MRTFA: variants seen among roughly 807,000 people sequenced by gnomAD.
The protein encoded by MRTFA is myocardin related transcription factor A.
In MRTFA, 20 loss-of-function variants were observed where a neutral mutation model predicts 83.5. The observed-to-expected ratio is 0.24, with a 90% CI of 0.17 to 0.35. MRTFA has a LOEUF of 0.35. Ranked by LOEUF, MRTFA falls within the 10% of genes least tolerant of loss-of-function variation. MRTFA has a pLI of 1.00. For synonymous variants in MRTFA, 659 were observed against 541.2 expected, an observed-to-expected ratio of 1.22 and a Z score of -3.02; for missense variants, 1,200 against 1,224.7, an observed-to-expected ratio of 0.98 and a Z score of 0.30.
intron 3 of MRTFA, among the ~76,000 whole-genome samples, chr22:40,467,974 A>G (rs764749970): frequency 1.1e-4 from 16 of 152,164 alleles, no homozygotes; most frequent in African/African-American, 1.7e-4. Context: ...GAATGGAATA[A>G]AAAGAAAAGA....
chr22:40,590,457 A>G (rs2056103685), intron 2 of MRTFA, among the ~76,000 whole-genome samples: 1 of 151,972 alleles, frequency 6.6e-6, no homozygotes, highest in Admixed American at 6.6e-5. Context: ...TCACGAGGTT[A>G]GGAGTTTGAG....
At position 40,571,921 on chromosome 22, in the gene MRTFA, CAAAAAAAAAA is replaced by C. The variant is rs557782525; in HGVS notation, c.-21-19564_-21-19555del. Among the ~76,000 whole-genome samples the C allele has an allele frequency of 9.6e-4, 18 of 18,734 alleles. 1 individual carries two copies. Among genetic ancestry groups the C allele is most frequent in the African/African-American group, 3.2e-3 (14 of 4,322 alleles). 12.3% of individuals were successfully genotyped at this position (18,734 alleles called of 152,430 possible). A position where few individuals can be genotyped will look rare whatever the true frequency, so the allele number is the denominator to read the frequency against. On this transcript the variant is annotated intron_variant, in intron 2 of 14. Transcript: ENST00000355630. ...CCAGGGCGACAGAGCAAGACTCTGT[CAAAAAAAAAA>C]AAAAAAAAAAAAAAAGAAGAGGGAC... is the stretch of plus-strand genomic sequence containing the variant.
At chr22:40,431,504 ACTC>A in intron 5 of MRTFA, 24 bp from the exon 6 acceptor site, 1 of 1,610,396 alleles carries the variant, frequency 6.2e-7, no homozygotes, top group Non-Finnish European at 8.5e-7. Context: ...ACACCAAGAA[ACTC>A]TCAAATCCAG....
rs1248646550 is a variant in MRTFA, at chr22:40,489,316, AT to A, written c.242-26031del. Among the ~76,000 whole-genome samples the A allele has an allele frequency of 3.9e-5, 6 of 152,118 alleles. No individual in the cohort carries two copies. In the South Asian group the frequency reaches 1.2e-3, roughly 32 times the overall value. On this transcript the variant is annotated intron_variant, in intron 3 of 14. Coordinates refer to ENST00000355630, the MANE Select transcript of MRTFA (RefSeq NM_020831.6). ...TTACAAAATGACAGCAATTAAAAAAATAATGTGTATCTGTAGAAGACATAAT... is the reference window on the plus strand; with the variant it reads ...TTACAAAATGACAGCAATTAAAAAAAAATGTGTATCTGTAGAAGACATAAT...
At chr22:40,447,034 T>C (rs1158257746) in intron 4 of MRTFA, among the ~76,000 whole-genome samples, 3 of 152,076 alleles carry the variant, frequency 2.0e-5, no homozygotes, top group Admixed American at 6.6e-5. Flanking sequence ...TCATTTTATA[T>C]GGAGTGGTCA....
intron 2 of MRTFA, among the ~76,000 whole-genome samples, chr22:40,578,142 C>T (rs749628028): frequency 4.0e-5 from 6 of 151,312 alleles, no homozygotes; most frequent in Non-Finnish European, 5.9e-5. Context: ...TTAGTAGAGA[C>T]GGAGTTTCAC....
chr22:40,602,389 A>G (rs1274083664), intron 1 of MRTFA, among the ~76,000 whole-genome samples: 2 of 152,190 alleles, frequency 1.3e-5, no homozygotes, highest in Admixed American at 6.5e-5. Flanking sequence ...ATTTTTCAAA[A>G]TAAGTTGCCA....
chr22:40,412,044 A>C (rs1166005192), intron 14 of MRTFA, 137 bp from the exon 15 acceptor site: 7 of 647,966 alleles, frequency 1.1e-5, no homozygotes, highest in Non-Finnish European at 1.7e-5. Flanking sequence ...TAAATGTAAG[A>C]GCTAAGACTA....
intron 2 of MRTFA, among the ~76,000 whole-genome samples, chr22:40,577,236 A>T (rs2055880294): frequency 8.2e-6 from 1 of 122,502 alleles, no homozygotes. Flanking sequence ...ACCCTTGTCT[A>T]AAAAAAAAAA....
At chr22:40,506,002 G>A (rs1484187565) in intron 3 of MRTFA, among the ~76,000 whole-genome samples, 1 of 152,210 alleles carries the variant, frequency 6.6e-6, no homozygotes, top group Non-Finnish European at 1.5e-5. Context: ...GGGAGGCCAA[G>A]GCAGGTGGAT....
At chr22:40,473,054 T>G (rs752739916) in intron 3 of MRTFA, among the ~76,000 whole-genome samples, 1 of 152,212 alleles carries the variant, frequency 6.6e-6, no homozygotes, top group Admixed American at 6.5e-5. Flanking sequence ...TATCTCTAGA[T>G]GCACTTCTGT....
At chr22:40,519,550 C>T (rs1344705391) in intron 3 of MRTFA, 3 of 1,350,510 alleles carry the variant, frequency 2.2e-6, no homozygotes, top group Non-Finnish European at 3.0e-6. Flanking sequence ...TGGCTCAAAG[C>T]ACTCCAAAGT....
At position 40,443,994 on chromosome 22, in the gene MRTFA, G is replaced by A. The variant is rs137992629; in HGVS notation, c.308-8440C>T. Among the ~76,000 whole-genome samples the A allele has an allele frequency of 2.7e-3, 410 of 152,264 alleles. 3 individuals carry two copies. Among genetic ancestry groups the A allele is most frequent in the African/African-American group, 9.4e-3 (390 of 41,544 alleles). On this transcript the variant is annotated intron_variant, in intron 4 of 14. Coordinates refer to ENST00000355630, the MANE Select transcript of MRTFA (RefSeq NM_020831.6). Reference sequence around the variant, plus strand: ...CATTGGGAGCTGGAACTCTCGCCCCGAATGAGAAGTCCCTCTCCTACCACC... The same window carrying A: ...CATTGGGAGCTGGAACTCTCGCCCCAAATGAGAAGTCCCTCTCCTACCACC...
chr22:40,587,925 G>A, intron 2 of MRTFA: 1 of 395,378 alleles, frequency 2.5e-6, no homozygotes, highest in South Asian at 3.5e-5. Flanking sequence ...TTGAATACAG[G>A]AGACAAAGTG....
In MRTFA at chr22:40,411,408, G is replaced by A. The variant is rs566222798; in HGVS notation, c.3078C>T (p.His1026=). The change falls in exon 15 of 15, where the codon CAC becomes CAT. Residue 1026 remains histidine (H), a synonymous_variant. Transcript: ENST00000355630. ...CAGAGAGCTACAAGCAGGAATCCCA[G>A]TGCAGCTGCAAATCATGGCCATCGA... 1.9e-6 allele frequency: 3 copies of A among 1,564,956 alleles called. No homozygotes were observed. In the African/African-American group the frequency reaches 4.0e-5, roughly 21 times the overall value.
intron 3 of MRTFA, among the ~76,000 whole-genome samples, chr22:40,473,206 C>T (rs2053943720): frequency 6.6e-6 from 1 of 152,156 alleles, no homozygotes; most frequent in Non-Finnish European, 1.5e-5. Flanking sequence ...GTTGTCCAGG[C>T]TGAAGTGCAG....
At chr22:40,590,960 C>T (rs533428916) in intron 2 of MRTFA, among the ~76,000 whole-genome samples, 32 of 151,998 alleles carry the variant, frequency 2.1e-4, no homozygotes, top group East Asian at 3.9e-4. Context: ...GGTGAAACCC[C>T]GTCTCTACCA....
At chr22:40,527,221 T>G (rs1164889466) in intron 3 of MRTFA, among the ~76,000 whole-genome samples, 1 of 152,028 alleles carries the variant, frequency 6.6e-6, no homozygotes, top group Admixed American at 6.6e-5. Context: ...CACTATGTAG[T>G]TGTCACATAG....
intron 3 of MRTFA, among the ~76,000 whole-genome samples, chr22:40,515,659 C>G (rs905897297): frequency 6.6e-6 from 1 of 151,992 alleles, no homozygotes; most frequent in African/African-American, 2.4e-5. Context: ...CAGATGGAAC[C>G]TAGAAAGCAA....
Sources: allele counts gnomAD v4.1 joint callset (sites outside exome capture counted in the v4.1 genomes callset), GRCh38; gene constraint gnomAD v4.1.1; transcripts MANE v1.5; gene names NCBI Gene and HGNC (gene_info 2026-07-23, HGNC 2026-07-21).